DCDC2: variants seen among roughly 807,000 people sequenced by gnomAD.
DCDC2 encodes the protein doublecortin domain containing 2.
A neutral mutation model predicts 50.2 loss-of-function variants in DCDC2; 40 were observed. That is an observed-to-expected ratio of 0.80 (90% CI 0.62 to 1.04). The LOEUF is 1.04. Ranked by LOEUF, DCDC2 falls within the 50% of genes least tolerant of loss-of-function variation. The pLI is 0.00. For missense variants in DCDC2, 570 were observed against 581.9 expected (o/e 0.98, Z 0.21); for synonymous variants, 234 against 210.6 (o/e 1.11, Z -0.96).
chr6:24,315,706 A>G (rs1759648294), intron 2 of DCDC2, among the ~76,000 whole-genome samples: 1 of 152,158 alleles, frequency 6.6e-6, no homozygotes, highest in South Asian at 2.1e-4. Context: ...AGTAGGGAGA[A>G]GGAGGAAAGG....
At chr6:24,303,264 T>G (rs1319582642) in intron 2 of DCDC2, among the ~76,000 whole-genome samples, 1 of 152,000 alleles carries the variant, frequency 6.6e-6, no homozygotes, top group Non-Finnish European at 1.5e-5. Context: ...TACTGGAAGA[T>G]AAATCCCGAC....
chr6:24,211,999 AG>A (rs1761881551), intron 7 of DCDC2, among the ~76,000 whole-genome samples: 1 of 152,184 alleles, frequency 6.6e-6, no homozygotes, highest in Non-Finnish European at 1.5e-5. Flanking sequence ...TGGGCTGTAC[AG>A]CAGGAGGTGA....
upstream of DCDC2, among the ~76,000 whole-genome samples, chr6:24,361,283 G>A (rs768824059): frequency 2.6e-5 from 4 of 152,102 alleles, no homozygotes; most frequent in Non-Finnish European, 5.9e-5. Flanking sequence ...AGGGTGGAGC[G>A]TGGGAGGAGG....
intron 6 of DCDC2, among the ~76,000 whole-genome samples, chr6:24,285,067 C>A (rs1581631437): frequency 6.6e-6 from 1 of 152,100 alleles, no homozygotes; most frequent in Non-Finnish European, 1.5e-5. Flanking sequence ...CACACACACA[C>A]TAGAATGAAA....
intron 6 of DCDC2, among the ~76,000 whole-genome samples, chr6:24,280,316 G>A (rs2113821254): frequency 6.6e-6 from 1 of 150,996 alleles, no homozygotes; most frequent in East Asian, 1.9e-4. Context: ...TATTCCAACT[G>A]CAATTTAAAC....
At chr6:24,316,299 T>C (rs1022219981) in intron 2 of DCDC2, among the ~76,000 whole-genome samples, 2 of 152,014 alleles carry the variant, frequency 1.3e-5, no homozygotes, top group African/African-American at 4.8e-5. Flanking sequence ...AAGAAAATGG[T>C]TCAGGACCAA....
rs766573149 is a variant in DCDC2, at chr6:24,357,727, G to A, written c.24C>T (p.Ser8=). The A allele has an allele frequency of 6.2e-6, 10 of 1,612,510 alleles. No individual in the cohort carries two copies. In the South Asian group the frequency reaches 8.8e-5, roughly 14 times the overall value. Reference sequence around the variant, plus strand: ...TCACGACGGGCTGAGACAGGTGGCTGGACCTGGCGCTGCTGCCGCTCATCT... The same window carrying A: ...TCACGACGGGCTGAGACAGGTGGCTAGACCTGGCGCTGCTGCCGCTCATCT... MSGSSAR[S]SHLSQPVVKS... is the part of the protein sequence containing the mutation. The change falls in exon 1 of 10, where the codon TCC becomes TCT. Residue 8 remains serine, a synonymous_variant. Coordinates refer to ENST00000378454, the MANE Select transcript of DCDC2 (RefSeq NM_016356.5).
intron 6 of DCDC2, among the ~76,000 whole-genome samples, chr6:24,288,568 G>T (rs1490484135): frequency 6.6e-6 from 1 of 152,080 alleles, no homozygotes. Flanking sequence ...CTACTACAAT[G>T]GTTCTTACAG....
intron 7 of DCDC2, among the ~76,000 whole-genome samples, chr6:24,277,697 T>C (rs966692779): frequency 1.3e-5 from 2 of 152,138 alleles, no homozygotes; most frequent in South Asian, 2.1e-4. Context: ...TCATAATGAA[T>C]GTGGGCAAGG....
In DCDC2 at chr6:24,173,329, T is replaced by G. The variant is rs1249354820; in HGVS notation, c.*1401A>C. ...AAGTGCTTTATATAACTGCCAACTC[T>G]TTATTCCAAATGAAACCTGGAAGAG... is the stretch of plus-strand genomic sequence containing the variant. On this transcript the variant is annotated 3_prime_UTR_variant, in exon 10 of 10. Coordinates refer to ENST00000378454, the MANE Select transcript of DCDC2 (RefSeq NM_016356.5). 1 of 152,160 alleles carries G rather than the reference T, an allele frequency of 6.6e-6. No homozygotes were observed. Among genetic ancestry groups the G allele is most frequent in the Non-Finnish European group, 1.5e-5 (1 of 68,016 alleles). 9.4% of individuals were successfully genotyped at this position (152,160 alleles called of 1,614,324 possible).
chr6:24,354,488 T>C (rs1239994654), intron 1 of DCDC2, among the ~76,000 whole-genome samples: 1 of 152,198 alleles, frequency 6.6e-6, no homozygotes, highest in Non-Finnish European at 1.5e-5. Context: ...TTTTTATTGT[T>C]GCTGTTTGCC....
chr6:24,358,816 AT>A (rs1186420903), upstream of DCDC2, among the ~76,000 whole-genome samples: 101 of 11,300 alleles, frequency 8.9e-3, 3 homozygotes, highest in South Asian at 0.058. Context: ...TTATATATAA[AT>A]ATATATATTA....
At chr6:24,195,316 T>G (rs977866122) in intron 8 of DCDC2, among the ~76,000 whole-genome samples, 21 of 152,200 alleles carry the variant, frequency 1.4e-4, no homozygotes, top group Non-Finnish European at 2.5e-4. Flanking sequence ...ACACATTAGT[T>G]TGCATTTTAG....
intron 8 of DCDC2, among the ~76,000 whole-genome samples, chr6:24,185,960 T>G (rs533775532): frequency 6.6e-5 from 10 of 152,210 alleles, no homozygotes; most frequent in African/African-American, 2.4e-4. Context: ...CCCTGGGAAC[T>G]TGTAGTCCAT....
intron 7 of DCDC2, among the ~76,000 whole-genome samples, chr6:24,275,257 T>C (rs1452517589): frequency 6.6e-6 from 1 of 152,178 alleles, no homozygotes; most frequent in Non-Finnish European, 1.5e-5. Flanking sequence ...GGAGAGGGAC[T>C]TTTGATATTA....
intron 2 of DCDC2, among the ~76,000 whole-genome samples, chr6:24,344,922 T>C (rs1209277058): frequency 6.6e-6 from 1 of 152,192 alleles, no homozygotes; most frequent in Admixed American, 6.6e-5. Context: ...GGGGAAAAGG[T>C]ATAAAATAAA....
chr6:24,265,825 A>G (rs941386546), intron 7 of DCDC2, among the ~76,000 whole-genome samples: 3 of 151,994 alleles, frequency 2.0e-5, no homozygotes, highest in African/African-American at 4.8e-5. Flanking sequence ...AAAAATTCAT[A>G]TACCATAATG....
At chr6:24,195,371 T>C (rs1183183316) in intron 8 of DCDC2, among the ~76,000 whole-genome samples, 1 of 152,208 alleles carries the variant, frequency 6.6e-6, no homozygotes, top group African/African-American at 2.4e-5. Context: ...TTTTTTCAAA[T>C]ATTGTTATTA....
At chr6:24,177,329 C>T (rs961053827) in intron 9 of DCDC2, among the ~76,000 whole-genome samples, 7 of 152,166 alleles carry the variant, frequency 4.6e-5, no homozygotes, top group East Asian at 1.9e-4. Context: ...CAGATAACTT[C>T]GTACTGTTAC....
Sources: allele counts gnomAD v4.1 joint callset (sites outside exome capture counted in the v4.1 genomes callset), GRCh38; gene constraint gnomAD v4.1.1; transcripts MANE v1.5; gene names NCBI Gene and HGNC (gene_info 2026-07-23, HGNC 2026-07-21).